BMPR2: variants seen among roughly 807,000 people sequenced by gnomAD.
The protein encoded by BMPR2 is bone morphogenetic protein receptor type-2.
In BMPR2, 29 loss-of-function variants were observed where a neutral mutation model predicts 100.8. The ratio of observed to expected loss-of-function variants is 0.29; its 90% CI spans 0.21 to 0.39. The LOEUF is 0.39. BMPR2 is among the 10% of genes least tolerant of loss of function. The pLI is 1.00. For missense variants in BMPR2, 1,011 were observed against 1,274.5 expected (o/e 0.79, Z 3.15); for synonymous variants, 382 against 442.3 (o/e 0.86, Z 1.71).
chr2:202,531,930 A>ATTTTTTTT lies in BMPR2; in HGVS notation c.1129-635_1129-628dup, dbSNP rs71035015. On this transcript the variant is annotated intron_variant, in intron 8 of 12. Coordinates refer to ENST00000374580, the MANE Select transcript of BMPR2 (RefSeq NM_001204.7). Reference sequence around the variant, plus strand: ...AGTGTGAGCCACCACGCCCAGCTGTATTTTTTTTTTTTTTTTTTTTTTTTT... The same window carrying ATTTTTTTT: ...AGTGTGAGCCACCACGCCCAGCTGTATTTTTTTTTTTTTTTTTTTTTTTTTTTTTTTTT... Among the ~76,000 whole-genome samples, 38 of 52,296 alleles carry ATTTTTTTT rather than the reference A, an allele frequency of 7.3e-4. 8 individuals are homozygous for ATTTTTTTT. The highest frequency in any genetic ancestry group is 2.8e-3 in the East Asian group (4 of 1,442). 34.3% of individuals were successfully genotyped at this position (52,296 alleles called of 152,430 possible). A position where few individuals can be genotyped will look rare whatever the true frequency, so the allele number is the denominator to read the frequency against.
chr2:202,480,320 G>A (rs1692634533), intron 3 of BMPR2, among the ~76,000 whole-genome samples: 1 of 151,860 alleles, frequency 6.6e-6, no homozygotes, highest in South Asian at 2.1e-4. Flanking sequence ...GTAGAGATGG[G>A]GTTTTGCCAT....
chr2:202,415,241 G>A (rs1285169973), intron 1 of BMPR2, among the ~76,000 whole-genome samples: 3 of 151,942 alleles, frequency 2.0e-5, no homozygotes, highest in African/African-American at 4.8e-5. Flanking sequence ...AGGCCGAGGC[G>A]GGCAGATCAC....
chr2:202,516,536 G>A (rs113052458), intron 5 of BMPR2, among the ~76,000 whole-genome samples: 1 of 152,252 alleles, frequency 6.6e-6, no homozygotes, highest in African/African-American at 2.4e-5. Context: ...AAATTAGCTG[G>A]GTGTGGTGGC....
chr2:202,433,981 G>A lies in BMPR2; in HGVS notation c.77-30828G>A, dbSNP rs945219349. ...GCAGTGGCAGACTGCAAGGAAATTTGCAAGGAAAAAATTAACCTTGTTTGT... is the reference window on the plus strand; with the variant it reads ...GCAGTGGCAGACTGCAAGGAAATTTACAAGGAAAAAATTAACCTTGTTTGT... On this transcript the variant is annotated intron_variant, in intron 1 of 12. Transcript: ENST00000374580. 1.0e-4 allele frequency among the ~76,000 whole-genome samples: 15 copies of A among 150,680 alleles called. 2 individuals carry two copies. The highest frequency in any genetic ancestry group is 3.0e-4 in the African/African-American group (12 of 40,024).
Position 202,376,367 on chromosome 2 carries a change from A to C in BMPR2, c.-1108A>C, listed in dbSNP as rs1419910492. ...GTCTGGTCTGCTCGGAGCCACTGGA[A>C]GTGCCTCCCGGAGGGACGCAGGGTG... On this transcript the variant is annotated 5_prime_UTR_variant, in exon 1 of 13. Transcript: ENST00000374580. Among the ~76,000 whole-genome samples, 2 of 146,876 alleles carry C rather than the reference A, an allele frequency of 1.4e-5. No homozygotes were observed. The highest frequency in any genetic ancestry group is 3.0e-5 in the Non-Finnish European group (2 of 66,516).
At chr2:202,406,712 G>A (rs1320893748) in intron 1 of BMPR2, among the ~76,000 whole-genome samples, 1 of 152,146 alleles carries the variant, frequency 6.6e-6, no homozygotes, top group Non-Finnish European at 1.5e-5. Context: ...GGATCATGGT[G>A]TCATTCCAAG....
intron 9 of BMPR2, among the ~76,000 whole-genome samples, chr2:202,539,751 G>C (rs1688237969): frequency 6.6e-6 from 1 of 152,032 alleles, no homozygotes; most frequent in Admixed American, 6.6e-5. Context: ...AGTGTAATTT[G>C]AGAAGGGAGC....
chr2:202,523,139 T>C (rs1395518539), intron 7 of BMPR2, among the ~76,000 whole-genome samples: 1 of 152,172 alleles, frequency 6.6e-6, no homozygotes, highest in Non-Finnish European at 1.5e-5. Flanking sequence ...AAATGCTCCA[T>C]ATCACTAATC....
At chr2:202,471,257 A>G (rs1692432214) in intron 3 of BMPR2, among the ~76,000 whole-genome samples, 3 of 152,216 alleles carry the variant, frequency 2.0e-5, no homozygotes, top group Admixed American at 1.3e-4. Context: ...GCCAACTGGT[A>G]AATGTAGGAT....
At chr2:202,408,632 A>T (rs570938916) in intron 1 of BMPR2, among the ~76,000 whole-genome samples, 1 of 152,230 alleles carries the variant, frequency 6.6e-6, no homozygotes, top group African/African-American at 2.4e-5. Flanking sequence ...TTTAGAATAA[A>T]TAAAAATTCA....
intron 3 of BMPR2, among the ~76,000 whole-genome samples, chr2:202,510,330 T>C (rs900640866): frequency 2.6e-5 from 4 of 152,036 alleles, no homozygotes; most frequent in African/African-American, 9.7e-5. Context: ...GGCAGAAAAA[T>C]CACTTGAACC....
chr2:202,544,466 C>CA (rs1463721390), intron 10 of BMPR2, among the ~76,000 whole-genome samples: 2 of 152,170 alleles, frequency 1.3e-5, no homozygotes, highest in Non-Finnish European at 2.9e-5. Flanking sequence ...ACTACTCCAT[C>CA]ATTCTCTAGC....
intron 1 of BMPR2, among the ~76,000 whole-genome samples, chr2:202,411,618 C>G (rs1241998884): frequency 6.6e-6 from 1 of 152,104 alleles, no homozygotes; most frequent in Admixed American, 6.6e-5. Context: ...GTTTTGTGTG[C>G]TCTGTTGGAG....
In BMPR2 at chr2:202,487,767, C is replaced by A. The variant is rs1196821254; in HGVS notation, c.418+20078C>A. The stretch of plus-strand genomic sequence containing the variant: ...TGTTGAGAGCACTTGAATAATGATC[C>A]TCAAACTTTAGCATTAATCAGTATC... On this transcript the variant is annotated intron_variant, in intron 3 of 12. Coordinates refer to ENST00000374580, the MANE Select transcript of BMPR2 (RefSeq NM_001204.7). Among the ~76,000 whole-genome samples, 4 of 152,176 alleles carry A rather than the reference C, an allele frequency of 2.6e-5. No homozygotes were observed. The East Asian group carries it at 7.7e-4, about 29-fold the overall frequency.
At chr2:202,391,599 A>G (rs1267546772) in intron 1 of BMPR2, among the ~76,000 whole-genome samples, 1 of 139,046 alleles carries the variant, frequency 7.2e-6, no homozygotes, top group South Asian at 2.3e-4. Flanking sequence ...ACCAGTGTAC[A>G]CTCTTTTTTT....
intron 1 of BMPR2, among the ~76,000 whole-genome samples, chr2:202,409,074 G>A (rs1417687993): frequency 1.3e-5 from 2 of 152,228 alleles, no homozygotes; most frequent in Non-Finnish European, 2.9e-5. Context: ...TCTGGGCGCA[G>A]TGGCTCACGC....
In BMPR2 at chr2:202,376,369, T is replaced by C. The variant is rs1374678917; in HGVS notation, c.-1106T>C. ...CTGGTCTGCTCGGAGCCACTGGAAG[T>C]GCCTCCCGGAGGGACGCAGGGTGTC... On this transcript the variant is annotated 5_prime_UTR_variant, in exon 1 of 13. Coordinates refer to ENST00000374580, the MANE Select transcript of BMPR2 (RefSeq NM_001204.7). Among the ~76,000 whole-genome samples, 3 of 146,698 alleles carry C rather than the reference T, an allele frequency of 2.0e-5. No individual in the cohort carries two copies. The highest frequency in any genetic ancestry group is 4.5e-5 in the Non-Finnish European group (3 of 66,560).
intron 3 of BMPR2, among the ~76,000 whole-genome samples, chr2:202,473,394 G>A (rs897023310): frequency 1.3e-5 from 2 of 152,278 alleles, no homozygotes; most frequent in Middle Eastern, 3.4e-3. Flanking sequence ...GGAAGTTGCT[G>A]TAATCCAAGA....
At chr2:202,416,799 A>G (rs1324270168) in intron 1 of BMPR2, among the ~76,000 whole-genome samples, 2 of 151,426 alleles carry the variant, frequency 1.3e-5, no homozygotes, top group Non-Finnish European at 2.9e-5. Context: ...CGCTGTAAAC[A>G]TTGTTTAAAT....
Sources: allele counts gnomAD v4.1 joint callset (sites outside exome capture counted in the v4.1 genomes callset), GRCh38; gene constraint gnomAD v4.1.1; transcripts MANE v1.5; gene names NCBI Gene and HGNC (gene_info 2026-07-23, HGNC 2026-07-21).